The following ZDHHC14 variants were observed in gnomAD, a reference collection of about 807,000 sequenced individuals.
ZDHHC14 encodes the protein palmitoyltransferase ZDHHC14.
In ZDHHC14, 16 loss-of-function variants were observed where a neutral mutation model predicts 47.7. The ratio of observed to expected loss-of-function variants is 0.34; its 90% CI spans 0.23 to 0.51. The LOEUF is 0.51. Among genes scored for constraint, ZDHHC14 ranks in the 20% least tolerant of loss-of-function variants. The pLI is 0.97. For missense variants in ZDHHC14, 515 were observed against 662.5 expected, an observed-to-expected ratio of 0.78 and a Z score of 2.44; for synonymous variants, 293 against 278.9, an observed-to-expected ratio of 1.05 and a Z score of -0.50.
intron 1 of ZDHHC14, among the ~76,000 whole-genome samples, chr6:157,420,045 T>C (rs1412795391): frequency 6.6e-6 from 1 of 152,256 alleles, no homozygotes; most frequent in African/African-American, 2.4e-5. Context: ...ACGTGAGACA[T>C]GGAGCATCTT....
At chr6:157,419,602 C>T (rs978236391) in intron 1 of ZDHHC14, among the ~76,000 whole-genome samples, 4 of 152,218 alleles carry the variant, frequency 2.6e-5, no homozygotes, top group Non-Finnish European at 5.9e-5. Flanking sequence ...TAACCATGTG[C>T]ATCCAAGGTT....
chr6:157,412,622 C>T (rs562716114), intron 1 of ZDHHC14, among the ~76,000 whole-genome samples: 1 of 152,220 alleles, frequency 6.6e-6, no homozygotes, highest in South Asian at 2.1e-4. Flanking sequence ...TGGGAATTGT[C>T]TTAGCTTGAA....
At chr6:157,640,144 A>G (rs970070801) in intron 5 of ZDHHC14, among the ~76,000 whole-genome samples, 4 of 152,198 alleles carry the variant, frequency 2.6e-5, no homozygotes, top group Non-Finnish European at 2.9e-5. Context: ...GGAAGACCCC[A>G]AAAGGGGAAG....
chr6:157,570,473 C>A (rs550369976), intron 2 of ZDHHC14, among the ~76,000 whole-genome samples: 1 of 152,320 alleles, frequency 6.6e-6, no homozygotes, highest in African/African-American at 2.4e-5. Context: ...TTCACTTACG[C>A]AGCACAGCGG....
chr6:157,589,239 T>A (rs1218190506), intron 2 of ZDHHC14, among the ~76,000 whole-genome samples: 1 of 152,080 alleles, frequency 6.6e-6, no homozygotes, highest in Non-Finnish European at 1.5e-5. Flanking sequence ...GATAACTCAC[T>A]ATCAGAAGAA....
At chr6:157,601,206 T>G (rs1465374634) in intron 3 of ZDHHC14, among the ~76,000 whole-genome samples, 5 of 152,242 alleles carry the variant, frequency 3.3e-5, no homozygotes, top group Non-Finnish European at 5.9e-5. Context: ...AGAAGAATAT[T>G]TCTTTAACAT....
chr6:157,505,548 A>G (rs891473150), intron 1 of ZDHHC14, among the ~76,000 whole-genome samples: 17 of 152,216 alleles, frequency 1.1e-4, no homozygotes, highest in Admixed American at 6.5e-5. Flanking sequence ...AGAGGAAGCC[A>G]TGCCTGCTGA....
chr6:157,626,988 C>T (rs919504198), intron 3 of ZDHHC14, among the ~76,000 whole-genome samples: 1 of 151,994 alleles, frequency 6.6e-6, no homozygotes, highest in African/African-American at 2.4e-5. Context: ...ATCTTATAGG[C>T]CATCAGCTTA....
chr6:157,507,992 A>G (rs1039266548), intron 1 of ZDHHC14, among the ~76,000 whole-genome samples: 5 of 152,238 alleles, frequency 3.3e-5, no homozygotes, highest in African/African-American at 1.2e-4. Flanking sequence ...ATGAATGGAA[A>G]ATCATCCTCA....
At chr6:157,431,074 G>A (rs1055369806) in intron 1 of ZDHHC14, among the ~76,000 whole-genome samples, 2 of 152,244 alleles carry the variant, frequency 1.3e-5, no homozygotes, top group African/African-American at 4.8e-5. Flanking sequence ...ATCTGCCAGA[G>A]TGTATACGGG....
In ZDHHC14 at chr6:157,422,773, C is replaced by T. The variant is rs573565869; in HGVS notation, c.245+40507C>T. On this transcript the variant is annotated intron_variant, in intron 1 of 8. Transcript: ENST00000359775. ...AGCATGCCCAAGGCATTTGTATCGA[C>T]CCCTTCTGTGCTTTTTATATTTTTA... Among the ~76,000 whole-genome samples the T allele has an allele frequency of 1.9e-4, 29 of 152,322 alleles. 1 individual carries two copies. The South Asian group carries it at 6.0e-3, about 32-fold the overall frequency.
chr6:157,587,389 G>A lies in ZDHHC14; in HGVS notation c.407-5599G>A, dbSNP rs147479312. 8.6e-3 allele frequency among the ~76,000 whole-genome samples: 1,306 copies of A among 152,308 alleles called. 21 individuals are homozygous for A. Among genetic ancestry groups the A allele is most frequent in the African/African-American group, 0.028 (1,178 of 41,574 alleles). The stretch of plus-strand genomic sequence containing the variant: ...CTCCTTATTGCAGAATCAGTTGCAA[G>A]GCCTCCCTCTTCTTAAGGCCCCTGC... On this transcript the variant is annotated intron_variant, in intron 2 of 8. Coordinates refer to ENST00000359775, the MANE Select transcript of ZDHHC14 (RefSeq NM_024630.3).
chr6:157,649,644 T>C (rs2114986851), intron 7 of ZDHHC14, among the ~76,000 whole-genome samples: 1 of 152,344 alleles, frequency 6.6e-6, no homozygotes, highest in East Asian at 1.9e-4. Context: ...TAAATGGTGC[T>C]GTGCCATGCA....
At chr6:157,668,017 G>A (rs143533574) in intron 8 of ZDHHC14, among the ~76,000 whole-genome samples, 57 of 152,286 alleles carry the variant, frequency 3.7e-4, no homozygotes, top group African/African-American at 1.3e-3. Context: ...CTGCAGAACA[G>A]AGCCTGGTCC....
chr6:157,602,489 C>CA (rs552594669), intron 3 of ZDHHC14, among the ~76,000 whole-genome samples: 4,903 of 60,414 alleles, frequency 0.081, 134 homozygotes, highest in East Asian at 0.1. Flanking sequence ...GACTCCGTTT[C>CA]AAAAAAAAAA....
intron 2 of ZDHHC14, among the ~76,000 whole-genome samples, chr6:157,557,176 T>C (rs903815938): frequency 6.6e-6 from 1 of 152,174 alleles, no homozygotes; most frequent in Non-Finnish European, 1.5e-5. Flanking sequence ...CATGAAATAT[T>C]GCACCTGCGG....
rs896289350 is a variant in ZDHHC14 at position 157,674,718 on chromosome 6, A to G, written c.*1596A>G. 1 of 152,230 alleles carries G rather than the reference A, an allele frequency of 6.6e-6. No individual in the cohort carries two copies. The highest frequency in any genetic ancestry group is 1.5e-5 in the Non-Finnish European group (1 of 68,032). 9.4% of individuals were successfully genotyped at this position (152,230 alleles called of 1,614,324 possible). Reference sequence around the variant, plus strand: ...TTGCCATTTTATATAAAAGAAAAGAAGATAGGAAAAAGAAAAGCACACAAG... The same window carrying G: ...TTGCCATTTTATATAAAAGAAAAGAGGATAGGAAAAAGAAAAGCACACAAG... On this transcript the variant is annotated 3_prime_UTR_variant, in exon 9 of 9. Transcript: ENST00000359775.
chr6:157,640,117 G>T (rs937634836), intron 5 of ZDHHC14, among the ~76,000 whole-genome samples: 13 of 152,214 alleles, frequency 8.5e-5, no homozygotes, highest in Non-Finnish European at 1.6e-4. Context: ...AGCCACAGGG[G>T]CCCTGGGCCT....
intron 1 of ZDHHC14, among the ~76,000 whole-genome samples, chr6:157,438,315 A>T (rs1778486348): frequency 1.3e-5 from 2 of 152,248 alleles, no homozygotes; most frequent in South Asian, 4.1e-4. Flanking sequence ...ATTGTTTTTC[A>T]AATGGAGTGA....
Sources: allele counts gnomAD v4.1 joint callset (sites outside exome capture counted in the v4.1 genomes callset), GRCh38; gene constraint gnomAD v4.1.1; transcripts MANE v1.5; gene names NCBI Gene and HGNC (gene_info 2026-07-23, HGNC 2026-07-21).